Variants in HFM1 observed in about 807,000 individuals in gnomAD.
HFM1 encodes helicase for meiosis 1.
A neutral mutation model predicts 192.1 loss-of-function variants in HFM1; 169 were observed. The observed-to-expected ratio is 0.88, with a 90% CI of 0.78 to 1.00. The LOEUF is 1.00. Ranked by LOEUF, HFM1 falls within the 50% of genes least tolerant of loss-of-function variation. The pLI is 0.00. For synonymous variants in HFM1, 525 were observed against 537.8 expected (o/e 0.98, Z 0.33); for missense variants, 1,661 against 1,668.0 (o/e 1.00, Z 0.07).
chr1:91,374,621 T>A (rs1660683134), intron 13 of HFM1, among the ~76,000 whole-genome samples: 1 of 152,084 alleles, frequency 6.6e-6, no homozygotes, highest in Non-Finnish European at 1.5e-5. Context: ...ACTAAGGAGA[T>A]AATGTATAAT....
rs558766236 is a variant in HFM1, at chr1:91,386,569, A to G, written c.495-735T>C. ...AGATAATAATGTTCATTGTTGTTTT[A>G]AACTACTACATTTTGGGATAATTTT... On this transcript the variant is annotated intron_variant, in intron 4 of 38. Coordinates refer to ENST00000370425, the MANE Select transcript of HFM1 (RefSeq NM_001017975.6). Among the ~76,000 whole-genome samples, 5 of 152,362 alleles carry G rather than the reference A, an allele frequency of 3.3e-5. No individual in the cohort carries two copies. In the East Asian group the frequency reaches 9.6e-4, roughly 29 times the overall value.
Position 91,274,789 on chromosome 1 carries a change from T to C in HFM1, c.3609A>G (p.Gln1203=). The part of the protein sequence containing the change: ...KRLKIQMNKS[Q]SVDLKEFGFT... Reference sequence around the variant, plus strand: ...AACCAAACTCTTTAAGGTCCACACTTTGAGATTTATTCATCTGTATCTATT... The same window carrying C: ...AACCAAACTCTTTAAGGTCCACACTCTGAGATTTATTCATCTGTATCTATT... The change falls in exon 33 of 39, where the codon CAA becomes CAG. Residue 1203 remains glutamine, a synonymous_variant. Coordinates refer to ENST00000370425, the MANE Select transcript of HFM1 (RefSeq NM_001017975.6). 6.4e-7 allele frequency: 1 copy of C among 1,566,748 alleles called. No individual in the cohort carries two copies. The highest frequency in any genetic ancestry group is 8.8e-7 in the Non-Finnish European group (1 of 1,139,606).
At chr1:91,292,405 A>G (rs1374700046) in intron 30 of HFM1, among the ~76,000 whole-genome samples, 20 of 117,936 alleles carry the variant, frequency 1.7e-4, no homozygotes, top group South Asian at 3.3e-4. Flanking sequence ...TTATACACCA[A>G]TAACAGACAA....
At chr1:91,317,169 CTTT>C (rs1651365703) in intron 25 of HFM1, among the ~76,000 whole-genome samples, 1 of 152,134 alleles carries the variant, frequency 6.6e-6, no homozygotes, top group Non-Finnish European at 1.5e-5. Context: ...AATCCCAGCA[CTTT>C]AGGAGGCCAA....
At chr1:91,354,333 AG>A (rs758901592) in intron 13 of HFM1, among the ~76,000 whole-genome samples, 9 of 151,978 alleles carry the variant, frequency 5.9e-5, no homozygotes, top group Non-Finnish European at 1.3e-4. Context: ...CAAAGCCTAT[AG>A]GACTTATGGG....
chr1:91,264,517 C>A (rs944638234), intron 36 of HFM1, among the ~76,000 whole-genome samples: 6 of 148,330 alleles, frequency 4.0e-5, no homozygotes, highest in Non-Finnish European at 8.9e-5. Context: ...GGACTACAGG[C>A]GCCCGCCATC....
chr1:91,392,898 A>T (rs979778725), intron 4 of HFM1, among the ~76,000 whole-genome samples: 12 of 152,198 alleles, frequency 7.9e-5, no homozygotes, highest in Admixed American at 2.6e-4. Context: ...AAAGTAGATT[A>T]GTGGCCACCA....
At chr1:91,282,014 T>C (rs964636324) in intron 30 of HFM1, among the ~76,000 whole-genome samples, 2 of 152,260 alleles carry the variant, frequency 1.3e-5, no homozygotes, top group African/African-American at 2.4e-5. Flanking sequence ...CACAATGTTC[T>C]GAAATATTGC....
At chr1:91,374,299 T>G (rs1268129382) in intron 13 of HFM1, among the ~76,000 whole-genome samples, 1 of 151,862 alleles carries the variant, frequency 6.6e-6, no homozygotes, top group Non-Finnish European at 1.5e-5. Flanking sequence ...GGATTTAGCA[T>G]TTAATCCCCA....
chr1:91,316,515 C>A, intron 25 of HFM1, 39 bp from the exon 26 acceptor site: 2 of 912,182 alleles, frequency 2.2e-6, no homozygotes, highest in South Asian at 4.6e-5. Context: ...AAAAATAATG[C>A]ACTTTAAATA....
chr1:91,350,597 T>C (rs745306188), intron 18 of HFM1, 141 bp downstream of exon 18: 26 of 654,002 alleles, frequency 4.0e-5, no homozygotes, highest in Admixed American at 1.1e-4. Flanking sequence ...CTCTTGTCTC[T>C]AAATGTATTT....
intron 4 of HFM1, among the ~76,000 whole-genome samples, chr1:91,392,261 G>A (rs1557522029): frequency 6.6e-6 from 1 of 152,100 alleles, no homozygotes; most frequent in Non-Finnish European, 1.5e-5. Context: ...ATACCCAAAG[G>A]ATTATAAATC....
chr1:91,264,145 C>A (rs1434941506), intron 36 of HFM1, among the ~76,000 whole-genome samples: 1 of 152,020 alleles, frequency 6.6e-6, no homozygotes, highest in African/African-American at 2.4e-5. Context: ...GGTGAATGAG[C>A]TCCTGGTCAC....
chr1:91,375,505 AT>A, intron 12 of HFM1, 21 bp downstream of exon 12: 1 of 1,611,240 alleles, frequency 6.2e-7, no homozygotes, highest in South Asian at 1.1e-5. Flanking sequence ...ATACTAAAAA[AT>A]AAGCTATCAA....
At chr1:91,367,916 T>C (rs527346912) in intron 13 of HFM1, among the ~76,000 whole-genome samples, 2 of 152,226 alleles carry the variant, frequency 1.3e-5, no homozygotes, top group South Asian at 4.1e-4. Context: ...AAGGACCTGA[T>C]GGAGCTGAAA....
At chr1:91,372,266 C>T (rs1557475715) in intron 13 of HFM1, among the ~76,000 whole-genome samples, 1 of 152,200 alleles carries the variant, frequency 6.6e-6, no homozygotes, top group Non-Finnish European at 1.5e-5. Context: ...ACAAATCATG[C>T]TGCTATAAAG....
At chr1:91,382,652 T>C (rs1200972964) in intron 6 of HFM1, among the ~76,000 whole-genome samples, 1 of 152,202 alleles carries the variant, frequency 6.6e-6, no homozygotes, top group African/African-American at 2.4e-5. Context: ...CATGTCTCTT[T>C]CTATCAAATA....
At chr1:91,271,884 T>C (rs1042411343) in intron 34 of HFM1, among the ~76,000 whole-genome samples, 3 of 152,172 alleles carry the variant, frequency 2.0e-5, no homozygotes, top group Non-Finnish European at 4.4e-5. Flanking sequence ...ATTAATTAGA[T>C]ATGAAATTTT....
At chr1:91,400,277 T>C (rs917570945) in intron 2 of HFM1, among the ~76,000 whole-genome samples, 5 of 152,170 alleles carry the variant, frequency 3.3e-5, no homozygotes, top group Admixed American at 1.3e-4. Context: ...GTCTCACATC[T>C]TTATTCCCGC....
Sources: gnomAD v4.1 joint callset for allele counts (sites outside exome capture counted in the v4.1 genomes callset) on GRCh38, gnomAD v4.1.1 for gene constraint, MANE v1.5 for transcripts, NCBI Gene and HGNC (gene_info 2026-07-23, HGNC 2026-07-21) for gene names.